The following VTI1A variants were observed in gnomAD, a reference collection of about 807,000 sequenced individuals.
VTI1A encodes the protein vesicle transport through interaction with t-SNAREs homolog 1A.
Under a neutral mutation model 34.9 loss-of-function variants are expected in VTI1A, and 22 were observed. The observed-to-expected ratio is 0.63, with a 90% CI of 0.45 to 0.90. The LOEUF (loss-of-function observed/expected upper bound fraction) is 0.90, where lower values mean the gene tolerates loss of function less well. VTI1A is among the 40% of genes least tolerant of loss of function. The probability of loss-of-function intolerance (pLI) is 0.00; values close to 1 mark genes in which losing one functional copy is unlikely to be tolerated. For missense variants in VTI1A, 268 were observed against 275.6 expected, an observed-to-expected ratio of 0.97 and a Z score of 0.20; for synonymous variants, 87 against 97.3, an observed-to-expected ratio of 0.89 and a Z score of 0.62.
chr10:112,828,707 A>C, the VTI1A span, among the ~76,000 whole-genome samples: 1 of 151,916 alleles, frequency 6.6e-6, no homozygotes, highest in Admixed American at 6.6e-5. Flanking sequence ...CCCGGCCTAA[A>C]ATTATTTTTT....
chr10:112,607,085 G>A (rs1452335503), intron 5 of VTI1A, among the ~76,000 whole-genome samples: 5 of 152,012 alleles, frequency 3.3e-5, no homozygotes, highest in Admixed American at 2.0e-4. Flanking sequence ...TCAGGAGTTC[G>A]AGACCAGCCT....
At chr10:112,725,145 A>C (rs1032956391) in intron 7 of VTI1A, among the ~76,000 whole-genome samples, 3 of 152,252 alleles carry the variant, frequency 2.0e-5, no homozygotes, top group Non-Finnish European at 4.4e-5. Context: ...ATCAGGCTGC[A>C]AACACAGTAT....
intron 7 of VTI1A, among the ~76,000 whole-genome samples, chr10:112,772,061 T>C (rs1269858871): frequency 6.6e-6 from 1 of 152,344 alleles, no homozygotes; most frequent in African/African-American, 2.4e-5. Flanking sequence ...TATTCTCTTA[T>C]ATAACTTGGA....
chr10:112,643,067 C>A (rs1159187607), intron 5 of VTI1A, among the ~76,000 whole-genome samples: 1 of 150,268 alleles, frequency 6.7e-6, no homozygotes, highest in East Asian at 2.0e-4. Context: ...TCACTGCAAC[C>A]TCTGCCTCCC....
chr10:112,601,793 A>G (rs1240548242), intron 5 of VTI1A, among the ~76,000 whole-genome samples: 1 of 152,240 alleles, frequency 6.6e-6, no homozygotes, highest in Non-Finnish European at 1.5e-5. Context: ...AGAATGGTCC[A>G]CATTTTATCC....
downstream of VTI1A, among the ~76,000 whole-genome samples, chr10:112,822,507 G>A (rs796103125): frequency 3.3e-5 from 5 of 152,266 alleles, no homozygotes; most frequent in African/African-American, 9.6e-5. Flanking sequence ...GTCCAAATCC[G>A]CTGTGGTGTA....
the VTI1A span, among the ~76,000 whole-genome samples, chr10:112,845,950 G>A: frequency 5.4e-3 from 823 of 152,208 alleles, 3 homozygotes; most frequent in Non-Finnish European, 9.3e-3. Context: ...CCCGGGAGGC[G>A]GAGGTTGCAG....
chr10:112,691,962 A>G (rs958827724), intron 7 of VTI1A, among the ~76,000 whole-genome samples: 1 of 152,234 alleles, frequency 6.6e-6, no homozygotes, highest in African/African-American at 2.4e-5. Flanking sequence ...AAGCCAGTCC[A>G]CATATCTTCA....
At chr10:112,732,093 G>T (rs1159392799) in intron 7 of VTI1A, among the ~76,000 whole-genome samples, 1 of 151,482 alleles carries the variant, frequency 6.6e-6, no homozygotes, top group African/African-American at 2.4e-5. Context: ...AACTTCACTT[G>T]TAAAAATCAC....
chr10:112,649,428 A>G (rs1458063327), intron 5 of VTI1A, among the ~76,000 whole-genome samples: 1 of 152,234 alleles, frequency 6.6e-6, no homozygotes, highest in African/African-American at 2.4e-5. Flanking sequence ...CACAAATAAT[A>G]TCAATCTAGT....
downstream of VTI1A, among the ~76,000 whole-genome samples, chr10:112,819,969 G>A (rs1212910246): frequency 6.6e-6 from 1 of 152,206 alleles, no homozygotes; most frequent in East Asian, 1.9e-4. Flanking sequence ...GGGTGTGAGG[G>A]GAAGAGATGG....
At chr10:112,486,364 C>A (rs780782493) in intron 3 of VTI1A, among the ~76,000 whole-genome samples, 1 of 152,100 alleles carries the variant, frequency 6.6e-6, no homozygotes, top group Non-Finnish European at 1.5e-5. Flanking sequence ...ACTTGTTTCA[C>A]CTACCTCACA....
At chr10:112,719,518 A>G (rs6585178) in intron 7 of VTI1A, among the ~76,000 whole-genome samples, 61,098 of 151,738 alleles carry the variant, frequency 0.4, 16,102 homozygotes, top group African/African-American at 0.76. Flanking sequence ...TCACTGCATC[A>G]TGCAACCATC....
chr10:112,688,521 C>CTTTTTTTT (rs59853999), intron 7 of VTI1A, among the ~76,000 whole-genome samples: 3 of 116,440 alleles, frequency 2.6e-5, no homozygotes, highest in Admixed American at 9.3e-5. Context: ...CAATTTTTTT[C>CTTTTTTTT]TTTTTTTTTT....
chr10:112,552,519 A>C (rs1034279792), intron 5 of VTI1A, among the ~76,000 whole-genome samples: 5 of 152,166 alleles, frequency 3.3e-5, no homozygotes, highest in Non-Finnish European at 5.9e-5. Context: ...TAGTGTTAGC[A>C]TAAGACTTTT....
At chr10:112,847,415 T>G in the VTI1A span, among the ~76,000 whole-genome samples, 48 of 152,280 alleles carry the variant, frequency 3.2e-4, no homozygotes, top group Admixed American at 5.9e-4. Flanking sequence ...ACACCTAACT[T>G]TCCCACTCTC....
intron 7 of VTI1A, among the ~76,000 whole-genome samples, chr10:112,686,579 GA>G (rs1287993772): frequency 6.6e-6 from 1 of 152,134 alleles, no homozygotes; most frequent in African/African-American, 2.4e-5. Flanking sequence ...AATGAATTCC[GA>G]CGTGCTAGTT....
intron 7 of VTI1A, among the ~76,000 whole-genome samples, chr10:112,673,063 T>C (rs1421030443): frequency 1.3e-5 from 2 of 152,036 alleles, no homozygotes; most frequent in Non-Finnish European, 2.9e-5. Flanking sequence ...ACACCCGTAA[T>C]CCCAACACTT....
chr10:112,707,758 C>A (rs7906312), intron 7 of VTI1A, among the ~76,000 whole-genome samples: 30,132 of 152,080 alleles, frequency 0.2, 6,511 homozygotes, highest in African/African-American at 0.53. Context: ...TCTTACTTTG[C>A]ATAAAAATTT....
Sources: gnomAD v4.1 joint callset for allele counts (sites outside exome capture counted in the v4.1 genomes callset) on GRCh38, gnomAD v4.1.1 for gene constraint, MANE v1.5 for transcripts, NCBI Gene and HGNC (gene_info 2026-07-23, HGNC 2026-07-21) for gene names.